CERT1: variants seen among roughly 807,000 people sequenced by gnomAD.
CERT1 encodes ceramide transporter 1.
Under a neutral mutation model 87.9 loss-of-function variants are expected in CERT1, and 31 were observed. The observed-to-expected ratio is 0.35, with a 90% confidence interval of 0.27 to 0.48. The LOEUF is 0.48. CERT1 is among the 20% of genes least tolerant of loss of function. The pLI is 0.99. For missense variants in CERT1, 487 were observed against 758.0 expected, an observed-to-expected ratio of 0.64 and a Z score of 4.20; for synonymous variants, 289 against 250.9, an observed-to-expected ratio of 1.15 and a Z score of -1.44.
chr5:75,408,050 CCTT>C (rs1762786152), intron 8 of CERT1, among the ~76,000 whole-genome samples: 2 of 152,146 alleles, frequency 1.3e-5, no homozygotes, highest in Admixed American at 1.3e-4. Context: ...TTGAACAACT[CCTT>C]GTTTCTTCAA....
chr5:75,464,476 A>G (rs191724155), intron 2 of CERT1, among the ~76,000 whole-genome samples: 1 of 152,312 alleles, frequency 6.6e-6, no homozygotes, highest in Admixed American at 6.5e-5. Flanking sequence ...GCAGATAAAG[A>G]AAAGTCTTCA....
At chr5:75,405,511 T>C (rs1047518265) in intron 8 of CERT1, among the ~76,000 whole-genome samples, 4 of 152,158 alleles carry the variant, frequency 2.6e-5, no homozygotes, top group Non-Finnish European at 5.9e-5. Context: ...CTCACCTCAA[T>C]TGCAACGTGT....
At position 75,511,312 on chromosome 5, in the gene CERT1, G is replaced by A. The variant is rs1245114881; in HGVS notation, c.-105C>T. On this transcript the variant is annotated 5_prime_UTR_variant, in exon 1 of 17. Coordinates refer to ENST00000643780, the MANE Select transcript of CERT1 (RefSeq NM_001379029.1). ...GGGTCGGGGGATGGCGAAGCGAAGAGTGCCCGCTCCGGTGTGGGGGGGAGC... is the reference window on the plus strand; with the variant it reads ...GGGTCGGGGGATGGCGAAGCGAAGAATGCCCGCTCCGGTGTGGGGGGGAGC... The A allele has an allele frequency of 7.1e-6, 11 of 1,551,756 alleles. No individual in the cohort carries two copies. Among genetic ancestry groups the A allele is most frequent in the Non-Finnish European group, 7.8e-6 (9 of 1,148,064 alleles).
chr5:75,380,985 A>G, intron 16 of CERT1, 87 bp downstream of exon 16: 2 of 1,398,590 alleles, frequency 1.4e-6, no homozygotes, highest in Non-Finnish European at 9.9e-7. Flanking sequence ...GATAAGAACT[A>G]AAAAGGCATT....
At chr5:75,496,086 C>T (rs1485323952) in intron 2 of CERT1, among the ~76,000 whole-genome samples, 3 of 151,968 alleles carry the variant, frequency 2.0e-5, no homozygotes, top group Admixed American at 6.6e-5. Flanking sequence ...ATGTACCTGA[C>T]AAACGTTACG....
chr5:75,438,379 G>T (rs990426834), intron 3 of CERT1, among the ~76,000 whole-genome samples: 2 of 152,146 alleles, frequency 1.3e-5, no homozygotes, highest in East Asian at 3.9e-4. Flanking sequence ...TATAATGTCT[G>T]CTTTTTGAGG....
intron 3 of CERT1, among the ~76,000 whole-genome samples, chr5:75,430,720 T>C (rs1308934122): frequency 1.3e-5 from 2 of 151,956 alleles, no homozygotes; most frequent in African/African-American, 4.8e-5. Context: ...GAATTCTAAT[T>C]ACAGCAATCA....
intron 2 of CERT1, among the ~76,000 whole-genome samples, chr5:75,495,542 A>G (rs1767017325): frequency 6.6e-6 from 1 of 151,802 alleles, no homozygotes; most frequent in Non-Finnish European, 1.5e-5. Context: ...TGGGCAACAG[A>G]CTGAGACCCT....
At chr5:75,453,294 A>G (rs991939939) in intron 3 of CERT1, among the ~76,000 whole-genome samples, 1 of 152,192 alleles carries the variant, frequency 6.6e-6, no homozygotes, top group Non-Finnish European at 1.5e-5. Flanking sequence ...CAATACTGTA[A>G]ATTATTTCAA....
chr5:75,419,652 T>C (rs760329868), intron 5 of CERT1, among the ~76,000 whole-genome samples: 1 of 152,160 alleles, frequency 6.6e-6, no homozygotes. Flanking sequence ...CCCCTGAATA[T>C]TCTCATTTAG....
intron 14 of CERT1, among the ~76,000 whole-genome samples, chr5:75,382,602 C>T (rs1761629884): frequency 6.6e-6 from 1 of 151,880 alleles, no homozygotes; most frequent in African/African-American, 2.4e-5. Context: ...GAAACATATA[C>T]TATGGGAATG....
rs1266325873 is a variant in CERT1, at chr5:75,378,702, G to A, written c.*644C>T. ...TAAACATTTTAACATTCAAAAATAT[G>A]TCAGTACATACACAGAAAAATCTGG... On this transcript the variant is annotated 3_prime_UTR_variant, in exon 17 of 17. Transcript: ENST00000643780. 6.6e-6 allele frequency: 1 copy of A among 152,138 alleles called. No homozygotes were observed. Among genetic ancestry groups the A allele is most frequent in the Non-Finnish European group, 1.5e-5 (1 of 68,030 alleles). The allele number at this position is 152,138 out of a possible 1,614,324, so 9.4% of individuals were successfully genotyped here.
chr5:75,451,198 C>T (rs572055028), intron 3 of CERT1, among the ~76,000 whole-genome samples: 19 of 152,132 alleles, frequency 1.2e-4, no homozygotes, highest in South Asian at 6.2e-4. Context: ...ATTTACTAAC[C>T]GTGTATGGAT....
At chr5:75,482,431 C>T (rs774191956) in intron 2 of CERT1, among the ~76,000 whole-genome samples, 13 of 152,202 alleles carry the variant, frequency 8.5e-5, no homozygotes, top group Admixed American at 6.5e-5. Context: ...CTCCAGGCCC[C>T]GGCCCAGGGG....
chr5:75,445,683 G>A, intron 3 of CERT1, among the ~76,000 whole-genome samples: 1 of 152,116 alleles, frequency 6.6e-6, no homozygotes, highest in East Asian at 1.9e-4. Context: ...TTACTGAGAT[G>A]AGGTCTTGCG....
chr5:75,429,858 A>AT (rs5868773), intron 3 of CERT1, among the ~76,000 whole-genome samples: 2 of 147,174 alleles, frequency 1.4e-5, no homozygotes, highest in Non-Finnish European at 3.0e-5. Context: ...AAAAAAAAAA[A>AT]GCAAGGGTAA....
intron 3 of CERT1, among the ~76,000 whole-genome samples, chr5:75,433,705 G>A (rs75158741): frequency 1.4e-4 from 21 of 152,152 alleles, no homozygotes; most frequent in African/African-American, 5.1e-4. Context: ...ATTTGTTGTA[G>A]AGATGGGGTC....
intron 3 of CERT1, among the ~76,000 whole-genome samples, chr5:75,458,554 T>A (rs1765095734): frequency 6.6e-6 from 1 of 152,142 alleles, no homozygotes; most frequent in African/African-American, 2.4e-5. Context: ...GAAAAATATT[T>A]ATCTTTTTTT....
intron 3 of CERT1, among the ~76,000 whole-genome samples, chr5:75,429,670 CAAG>C (rs1222396321): frequency 6.6e-6 from 1 of 151,998 alleles, no homozygotes; most frequent in African/African-American, 2.4e-5. Flanking sequence ...GGTGACAGAG[CAAG>C]AAGACCCTGT....
Sources: gnomAD v4.1 joint callset for allele counts (sites outside exome capture counted in the v4.1 genomes callset) on GRCh38, gnomAD v4.1.1 for gene constraint, MANE v1.5 for transcripts, NCBI Gene and HGNC (gene_info 2026-07-23, HGNC 2026-07-21) for gene names.